Variants in ARHGAP17 observed in about 807,000 individuals in gnomAD.
The protein encoded by ARHGAP17 is rho GTPase-activating protein 17.
ARHGAP17 carries 57 observed loss-of-function variants against 99.5 expected under a neutral mutation model. That is an observed-to-expected ratio of 0.57 (90% CI 0.46 to 0.71). The LOEUF (loss-of-function observed/expected upper bound fraction) is 0.71, where lower values mean the gene tolerates loss of function less well. Ranked by LOEUF, ARHGAP17 falls within the 30% of genes least tolerant of loss-of-function variation. The pLI, the probability that ARHGAP17 is intolerant of heterozygous loss-of-function variation, is 0.00. For synonymous variants in ARHGAP17, 417 were observed against 429.6 expected, an observed-to-expected ratio of 0.97 and a Z score of 0.36; for missense variants, 1,000 against 1,122.4, an observed-to-expected ratio of 0.89 and a Z score of 1.56.
chr16:24,980,994 A>G (rs998320750), intron 1 of ARHGAP17, among the ~76,000 whole-genome samples: 1 of 152,234 alleles, frequency 6.6e-6, no homozygotes, highest in African/African-American at 2.4e-5. Context: ...GTCCTTTTTC[A>G]GAGCAAATTA....
intron 6 of ARHGAP17, 144 bp from the exon 7 acceptor site, chr16:24,964,452 G>T: frequency 1.6e-6 from 1 of 633,036 alleles, no homozygotes. Context: ...AAATTCTCTT[G>T]AGCTTATTCT....
At chr16:24,988,126 G>A (rs2052928603) in intron 1 of ARHGAP17, among the ~76,000 whole-genome samples, 2 of 152,182 alleles carry the variant, frequency 1.3e-5, no homozygotes, top group South Asian at 2.1e-4. Flanking sequence ...ATTTCATAGT[G>A]AGCTGGAGGA....
intron 1 of ARHGAP17, among the ~76,000 whole-genome samples, chr16:25,001,461 C>A (rs1239882443): frequency 6.6e-6 from 1 of 152,036 alleles, no homozygotes; most frequent in East Asian, 1.9e-4. Context: ...ATAAATGAGT[C>A]CCAACTCAAT....
intron 3 of ARHGAP17, among the ~76,000 whole-genome samples, chr16:24,973,171 T>C (rs2052418562): frequency 6.6e-6 from 1 of 152,220 alleles, no homozygotes; most frequent in South Asian, 2.1e-4. Context: ...ACTTAATTTG[T>C]AAAATGCATG....
chr16:24,950,836 CA>C (rs1177614713), intron 12 of ARHGAP17, among the ~76,000 whole-genome samples: 778 of 39,438 alleles, frequency 0.02, no homozygotes, highest in Non-Finnish European at 0.031. Context: ...GACTCCAACT[CA>C]AAAAAAAAAA....
At chr16:25,010,694 T>A (rs1417444787) in intron 1 of ARHGAP17, among the ~76,000 whole-genome samples, 1 of 152,236 alleles carries the variant, frequency 6.6e-6, no homozygotes, top group Non-Finnish European at 1.5e-5. Flanking sequence ...GTAGTTTAAT[T>A]TGGATTAAAC....
chr16:24,966,209 C>A (rs1294591930), intron 6 of ARHGAP17, among the ~76,000 whole-genome samples: 1 of 152,186 alleles, frequency 6.6e-6, no homozygotes, highest in Non-Finnish European at 1.5e-5. Context: ...TCCAATCACA[C>A]GTACAGGCCA....
At chr16:25,000,380 CT>C (rs1158978040) in intron 1 of ARHGAP17, among the ~76,000 whole-genome samples, 1 of 152,138 alleles carries the variant, frequency 6.6e-6, no homozygotes, top group Non-Finnish European at 1.5e-5. Flanking sequence ...AATAACATTT[CT>C]CTAGAGAGCA....
chr16:24,955,008 C>T lies in ARHGAP17; in HGVS notation c.725-278G>A, dbSNP rs1329386976. 2.6e-6 allele frequency: 1 copy of T among 389,996 alleles called. No individual in the cohort carries two copies. Among genetic ancestry groups the T allele is most frequent in the Non-Finnish European group, 4.6e-6 (1 of 217,742 alleles). 24.2% of individuals were successfully genotyped at this position (389,996 alleles called of 1,614,324 possible). On this transcript the variant is annotated intron_variant, in intron 9 of 19. Coordinates refer to ENST00000289968, the MANE Select transcript of ARHGAP17 (RefSeq NM_001006634.3). This position sits in a 1 kb window ranked among gnomAD's most constrained non-coding sequence, Gnocchi z 4.0. ...GCTGCAGTGGCACGCTGCACCTGCACCACACTTCATCAACACACGCCAGCG... is the reference window on the plus strand; with the variant it reads ...GCTGCAGTGGCACGCTGCACCTGCATCACACTTCATCAACACACGCCAGCG...
chr16:24,962,530 G>C (rs1349664373), intron 7 of ARHGAP17, among the ~76,000 whole-genome samples: 1 of 152,196 alleles, frequency 6.6e-6, no homozygotes, highest in East Asian at 1.9e-4. Context: ...TGTGGTCCCA[G>C]AAACCCCAAA....
intron 1 of ARHGAP17, among the ~76,000 whole-genome samples, chr16:24,993,989 T>C (rs2053124341): frequency 6.6e-6 from 1 of 152,212 alleles, no homozygotes; most frequent in African/African-American, 2.4e-5. Context: ...ATGACAAATG[T>C]TGCACGGTTT....
chr16:25,000,336 C>A (rs537209759), intron 1 of ARHGAP17, among the ~76,000 whole-genome samples: 1 of 152,266 alleles, frequency 6.6e-6, no homozygotes, highest in Admixed American at 6.5e-5. Flanking sequence ...ACAGGCAGAA[C>A]AACACACACA....
At chr16:25,000,590 C>G (rs900796689) in intron 1 of ARHGAP17, among the ~76,000 whole-genome samples, 1 of 152,154 alleles carries the variant, frequency 6.6e-6, no homozygotes, top group African/African-American at 2.4e-5. Context: ...ATTAAAACCT[C>G]TACCTAAATC....
chr16:24,947,532 G>A lies in ARHGAP17; in HGVS notation c.1191C>T (p.Ser397=). The change falls in exon 14 of 20, where the codon AGC becomes AGT. Residue 397 remains serine (S), a synonymous_variant. Transcript: ENST00000289968. ...TAGGGCCTAACACAATCGCAATGTT[G>A]CTGGGAGTCATTTTATTCACATCGC... ...QTSDVNKMTP[S]NIAIVLGPNL... 1.9e-6 allele frequency: 3 copies of A among 1,613,680 alleles called. No individual in the cohort carries two copies. The highest frequency in any genetic ancestry group is 2.5e-6 in the Non-Finnish European group (3 of 1,180,008).
chr16:24,948,262 T>C (rs573436245), intron 13 of ARHGAP17, among the ~76,000 whole-genome samples: 2 of 152,212 alleles, frequency 1.3e-5, no homozygotes, highest in South Asian at 4.2e-4. Flanking sequence ...TACCATTTGG[T>C]TTTTTAAAAA....
At chr16:24,939,686 T>A in intron 16 of ARHGAP17, 89 bp from the exon 17 acceptor site, 1 of 1,379,200 alleles carries the variant, frequency 7.3e-7, no homozygotes, top group Non-Finnish European at 1.0e-6. Context: ...AAACCACACA[T>A]GGGGATAGCC....
rs752324111 is a variant in ARHGAP17, at chr16:24,931,369, C to A, written c.1930G>T (p.Gly644Cys). ...KKPAPAPPKPGNPPPGHPGGQ... is the reference protein window; with the variant it reads ...KKPAPAPPKPCNPPPGHPGGQ... The stretch of plus-strand genomic sequence containing the variant: ...CCGGGGTGGCCAGGAGGTGGGTTGC[C>A]CGGTTTCGGGGGTGCTGGAGCGGGT... Residue 644 changes from glycine (G) to cysteine (C), a missense_variant, in exon 19 of 20, where the codon GGC becomes TGC. Gly to Cys is a radical substitution (Grantham distance 159). Coordinates refer to ENST00000289968, the MANE Select transcript of ARHGAP17 (RefSeq NM_001006634.3). 1 of 1,509,304 alleles carries A rather than the reference C, an allele frequency of 6.6e-7. No homozygotes were observed. Among genetic ancestry groups the A allele is most frequent in the South Asian group, 1.4e-5 (1 of 73,712 alleles). 93.5% of individuals were successfully genotyped at this position (1,509,304 alleles called of 1,614,324 possible). A position where few individuals can be genotyped will look rare whatever the true frequency, so the allele number is the denominator to read the frequency against.
intron 19 of ARHGAP17, among the ~76,000 whole-genome samples, chr16:24,922,403 T>G (rs1327972400): frequency 3.3e-5 from 5 of 152,200 alleles, no homozygotes; most frequent in African/African-American, 1.2e-4. Flanking sequence ...ATATACATAA[T>G]TTTTAGATTT....
intron 7 of ARHGAP17, among the ~76,000 whole-genome samples, chr16:24,961,218 A>G (rs2051987498): frequency 6.6e-6 from 1 of 152,184 alleles, no homozygotes; most frequent in Non-Finnish European, 1.5e-5. Flanking sequence ...CAAAAAAACA[A>G]GAAATTAGTA....
Sources: gnomAD v4.1 joint callset for allele counts (sites outside exome capture counted in the v4.1 genomes callset) on GRCh38, gnomAD v4.1.1 for gene constraint, Gnocchi (gnomAD v3.1) non-coding constraint, MANE v1.5 for transcripts, NCBI Gene and HGNC (gene_info 2026-07-23, HGNC 2026-07-21) for gene names.